Variants in DGKB observed in about 807,000 individuals in gnomAD.
DGKB encodes the protein 90 kDa diacylglycerol kinase.
Under a neutral mutation model 114.3 loss-of-function variants are expected in DGKB, and 67 were observed. That is an observed-to-expected ratio of 0.59 (90% CI 0.48 to 0.72). DGKB has a LOEUF of 0.72. Among genes scored for constraint, DGKB ranks in the 30% least tolerant of loss-of-function variants. The pLI is 0.00. For missense variants in DGKB, 907 were observed against 975.2 expected (o/e 0.93, Z 0.93); for synonymous variants, 398 against 323.1 (o/e 1.23, Z -2.49).
chr7:14,651,448 A>C (rs1379042620), intron 13 of DGKB, among the ~76,000 whole-genome samples: 1 of 146,234 alleles, frequency 6.8e-6, no homozygotes, highest in African/African-American at 2.5e-5. Context: ...AAATTCAACA[A>C]CCCTTCATGC....
chr7:14,809,052 T>C (rs1037917184), intron 2 of DGKB, among the ~76,000 whole-genome samples: 2 of 152,136 alleles, frequency 1.3e-5, no homozygotes, highest in African/African-American at 4.8e-5. Context: ...AAACAAATCA[T>C]GAGAAAGTGA....
At chr7:14,553,821 C>A (rs1007718528) in intron 20 of DGKB, among the ~76,000 whole-genome samples, 5 of 142,292 alleles carry the variant, frequency 3.5e-5, no homozygotes, top group African/African-American at 1.3e-4. Flanking sequence ...TATATGTTTT[C>A]ATATACATAT....
At chr7:14,717,917 C>CA (rs1828482829) in intron 6 of DGKB, among the ~76,000 whole-genome samples, 1 of 152,084 alleles carries the variant, frequency 6.6e-6, no homozygotes, top group Admixed American at 6.5e-5. Context: ...AGAGAGAGCT[C>CA]AGTCACTATG....
chr7:14,286,057 A>G (rs1800817289), intron 23 of DGKB, among the ~76,000 whole-genome samples: 2 of 152,168 alleles, frequency 1.3e-5, no homozygotes, highest in Admixed American at 1.3e-4. Flanking sequence ...CTCCTTGCCT[A>G]TTGACTCACA....
At position 14,437,241 on chromosome 7, in the gene DGKB, T is replaced by G. The variant is rs188746223; in HGVS notation, c.1835+40920A>C. Among the ~76,000 whole-genome samples the G allele has an allele frequency of 2.8e-3, 430 of 152,044 alleles. 1 individual carries two copies. Among genetic ancestry groups the G allele is most frequent in the African/African-American group, 9.9e-3 (413 of 41,556 alleles). ...ATATCAGTCCCAGAAAAAGTGGTTC[T>G]AATTAAAAATTAAGGTAGAGTTTAT... On this transcript the variant is annotated intron_variant, in intron 21 of 25. Coordinates refer to ENST00000402815, the MANE Select transcript of DGKB (RefSeq NM_001350709.2).
At chr7:14,462,851 G>C (rs142245481) in intron 21 of DGKB, among the ~76,000 whole-genome samples, 1,671 of 152,210 alleles carry the variant, frequency 0.011, 33 homozygotes, top group African/African-American at 0.036. Flanking sequence ...ATATGACAAG[G>C]CTACAGTAAC....
chr7:14,509,687 A>G (rs889269483), intron 20 of DGKB, among the ~76,000 whole-genome samples: 1 of 152,180 alleles, frequency 6.6e-6, no homozygotes, highest in Non-Finnish European at 1.5e-5. Context: ...AGAGCCCGAG[A>G]GCTCTGGGCC....
At chr7:14,321,138 A>C (rs893932352) in intron 23 of DGKB, among the ~76,000 whole-genome samples, 63 of 152,184 alleles carry the variant, frequency 4.1e-4, no homozygotes, top group Admixed American at 5.2e-4. Context: ...AAAAAATACA[A>C]AACTTAGCCA....
intron 13 of DGKB, among the ~76,000 whole-genome samples, chr7:14,655,794 C>T (rs917692445): frequency 6.6e-6 from 1 of 151,472 alleles, no homozygotes; most frequent in Non-Finnish European, 1.5e-5. Flanking sequence ...AAGATCAATA[C>T]CACATTCTTA....
chr7:14,794,597 CCTTAT>C (rs1841140032), intron 2 of DGKB, among the ~76,000 whole-genome samples: 1 of 152,088 alleles, frequency 6.6e-6, no homozygotes, highest in Non-Finnish European at 1.5e-5. Context: ...TGAAGTATAG[CCTTAT>C]CTCCTAGAGC....
chr7:14,851,223 GAC>G (rs1849303368), intron 1 of DGKB, among the ~76,000 whole-genome samples: 1 of 152,102 alleles, frequency 6.6e-6, no homozygotes. Context: ...GGACTCTGCT[GAC>G]ACAAAAAATC....
intron 1 of DGKB, among the ~76,000 whole-genome samples, chr7:14,939,801 G>T (rs558457257): frequency 6.6e-6 from 1 of 151,822 alleles, no homozygotes; most frequent in Non-Finnish European, 1.5e-5. Context: ...TTTTAGTAGA[G>T]ACAGGATTTC....
chr7:14,155,053 G>A (rs1266648036), intron 25 of DGKB, among the ~76,000 whole-genome samples: 1 of 151,954 alleles, frequency 6.6e-6, no homozygotes, highest in Non-Finnish European at 1.5e-5. Flanking sequence ...TTCTGCTTTC[G>A]AACAAGAACG....
chr7:14,705,194 C>T (rs554026355), intron 6 of DGKB, among the ~76,000 whole-genome samples: 22 of 151,920 alleles, frequency 1.4e-4, no homozygotes, highest in Admixed American at 5.2e-4. Flanking sequence ...GGAGCCGATG[C>T]GATCAACTGG....
At chr7:14,895,008 T>C (rs2128230099) in intron 1 of DGKB, among the ~76,000 whole-genome samples, 1 of 151,666 alleles carries the variant, frequency 6.6e-6, no homozygotes, top group Non-Finnish European at 1.5e-5. Context: ...AACAACATGA[T>C]AGCAAAATGA....
intron 1 of DGKB, among the ~76,000 whole-genome samples, chr7:14,925,231 C>G (rs1366620155): frequency 6.6e-6 from 1 of 152,174 alleles, no homozygotes; most frequent in Non-Finnish European, 1.5e-5. Flanking sequence ...GCTACTGTGA[C>G]CATCAGTGAA....
At position 14,544,745 on chromosome 7, in the gene DGKB, T is replaced by C. The variant is rs554289214; in HGVS notation, c.1770+29467A>G. Among the ~76,000 whole-genome samples, 4 of 152,292 alleles carry C rather than the reference T, an allele frequency of 2.6e-5. No homozygotes were observed. The South Asian group carries it at 8.3e-4, about 32-fold the overall frequency. ...TAGTAATGATAATAAAAACTTGACA[T>C]GTTGTTTTTTGACAGGAAAAGTCTT... On this transcript the variant is annotated intron_variant, in intron 20 of 25. Coordinates refer to ENST00000402815, the MANE Select transcript of DGKB (RefSeq NM_001350709.2).
chr7:14,522,228 A>G lies in DGKB; in HGVS notation c.1771-44003T>C, dbSNP rs139291724. Among the ~76,000 whole-genome samples the G allele has an allele frequency of 1.4e-4, 21 of 152,278 alleles. 1 individual carries two copies. Among genetic ancestry groups the G allele is most frequent in the African/African-American group, 5.1e-4 (21 of 41,560 alleles). On this transcript the variant is annotated intron_variant, in intron 20 of 25. Coordinates refer to ENST00000402815, the MANE Select transcript of DGKB (RefSeq NM_001350709.2). ...AAGTTTTTCCAGGCTTTTACTTTACATAAGGCTTTCTGACATCTTTGTCGC... is the reference window on the plus strand; with the variant it reads ...AAGTTTTTCCAGGCTTTTACTTTACGTAAGGCTTTCTGACATCTTTGTCGC...
At chr7:14,337,932 G>T (rs1810969778) in intron 23 of DGKB, among the ~76,000 whole-genome samples, 1 of 152,114 alleles carries the variant, frequency 6.6e-6, no homozygotes, top group African/African-American at 2.4e-5. Flanking sequence ...CCCATAGTTA[G>T]TCTAGTCTAC....
Sources: allele counts gnomAD v4.1 joint callset (sites outside exome capture counted in the v4.1 genomes callset), GRCh38; gene constraint gnomAD v4.1.1; transcripts MANE v1.5; gene names NCBI Gene and HGNC (gene_info 2026-07-23, HGNC 2026-07-21).